ABCA12: variants seen among roughly 807,000 people sequenced by gnomAD.
ABCA12 encodes ATP binding cassette subfamily A member 12.
In ABCA12, 156 loss-of-function variants were observed where a neutral mutation model predicts 293.5. The observed-to-expected ratio is 0.53, with a 90% CI of 0.47 to 0.61. The LOEUF (loss-of-function observed/expected upper bound fraction) is 0.61, where lower values mean the gene tolerates loss of function less well. ABCA12 is among the 20% of genes least tolerant of loss of function. ABCA12 has a pLI of 0.00. For synonymous variants in ABCA12, 1,063 were observed against 1,108.0 expected (o/e 0.96, Z 0.81); for missense variants, 2,797 against 3,090.2 (o/e 0.91, Z 2.25).
chr2:214,967,314 G>A (rs1430463239), intron 38 of ABCA12, among the ~76,000 whole-genome samples: 1 of 151,916 alleles, frequency 6.6e-6, no homozygotes, highest in Non-Finnish European at 1.5e-5. Context: ...TGCCAATAAT[G>A]GTAATAAAAA....
At position 215,007,767 on chromosome 2, in the gene ABCA12, T is replaced by A; in HGVS notation, c.2552A>T (p.Asn851Ile). 2.5e-6 allele frequency: 4 copies of A among 1,614,054 alleles called. No homozygotes were observed. ...EWMDKSPLFMNSFHLLNQAIP... is the reference protein window; with the variant it reads ...EWMDKSPLFMISFHLLNQAIP... ...TGCCTGGTTTAACAGATGGAAGGAATTCATGAAAAGTGGCGACTTATCCAT... is the reference window on the plus strand; with the variant it reads ...TGCCTGGTTTAACAGATGGAAGGAAATCATGAAAAGTGGCGACTTATCCAT... The change falls in exon 19 of 53, where the codon AAT (asparagine) becomes ATT (isoleucine). Residue 851 changes from asparagine to isoleucine, a missense_variant. Coordinates refer to ENST00000272895, the MANE Select transcript of ABCA12 (RefSeq NM_173076.3).
chr2:215,100,149 G>A (rs535733209), intron 2 of ABCA12, among the ~76,000 whole-genome samples: 1 of 151,804 alleles, frequency 6.6e-6, no homozygotes, highest in Non-Finnish European at 1.5e-5. Context: ...CAAGTAGCTG[G>A]CACCACAGGC....
At chr2:215,100,149 G>C (rs535733209) in intron 2 of ABCA12, among the ~76,000 whole-genome samples, 12 of 151,920 alleles carry the variant, frequency 7.9e-5, no homozygotes, top group Non-Finnish European at 1.2e-4. Context: ...CAAGTAGCTG[G>C]CACCACAGGC....
Position 214,932,574 on chromosome 2 carries a change from G to T in ABCA12, c.*60C>A. 1 of 1,244,200 alleles carries T rather than the reference G, an allele frequency of 8.0e-7. No individual in the cohort carries two copies. Among genetic ancestry groups the T allele is most frequent in the Non-Finnish European group, 1.2e-6 (1 of 847,422 alleles). 77.1% of individuals were successfully genotyped at this position (1,244,200 alleles called of 1,614,324 possible). ...GATATCTTGCGGAAGTGTATCTTCT[G>T]TGGCTTTTCTTCAAAATGAAGCCAT... On this transcript the variant is annotated 3_prime_UTR_variant, in exon 53 of 53. Transcript: ENST00000272895.
At chr2:215,025,825 A>T (rs773184732) in intron 10 of ABCA12, 46 bp from the exon 11 acceptor site, 1 of 1,405,272 alleles carries the variant, frequency 7.1e-7, no homozygotes, top group South Asian at 1.2e-5. Context: ...TTGCAAGGTC[A>T]TTTAGGAAAC....
chr2:214,975,501 T>A (rs1022466241), intron 34 of ABCA12, among the ~76,000 whole-genome samples: 1 of 152,196 alleles, frequency 6.6e-6, no homozygotes, highest in Non-Finnish European at 1.5e-5. Context: ...TACAACAGAT[T>A]GGGAAGCCAT....
At position 215,018,081 on chromosome 2, in the gene ABCA12, C is replaced by A; in HGVS notation, c.1709G>T (p.Arg570Met). 1 of 1,614,054 alleles carries A rather than the reference C, an allele frequency of 6.2e-7. No homozygotes were observed. Among genetic ancestry groups the A allele is most frequent in the South Asian group, 1.1e-5 (1 of 91,076 alleles). ...KNVEELKEDL[R>M]RTTGMSNRTI... ...CCTGTTGGACATTCCTGTTGTTCTC[C>A]TTAAATCTTCTTTCAGCTCTTCAAC... The change falls in exon 14 of 53, where the codon AGG becomes ATG. Residue 570 changes from arginine (R) to methionine (M), a missense_variant. Coordinates refer to ENST00000272895, the MANE Select transcript of ABCA12 (RefSeq NM_173076.3).
At chr2:215,050,873 C>A in intron 5 of ABCA12, 1 of 924,922 alleles carries the variant, frequency 1.1e-6, no homozygotes, top group Non-Finnish European at 1.3e-6. Flanking sequence ...AGAGAGATTG[C>A]TGACATAGGC....
intron 19 of ABCA12, among the ~76,000 whole-genome samples, 200 bp from the exon 20 acceptor site, chr2:215,004,499 G>T (rs564387215): frequency 6.6e-6 from 1 of 152,188 alleles, no homozygotes; most frequent in Non-Finnish European, 1.5e-5. Context: ...CTGGGCTGTT[G>T]CTTGTCTATA....
At chr2:214,937,144 G>C (rs1379034723) in intron 51 of ABCA12, among the ~76,000 whole-genome samples, 1 of 152,130 alleles carries the variant, frequency 6.6e-6, no homozygotes, top group Non-Finnish European at 1.5e-5. Flanking sequence ...ATCAAAACTA[G>C]TGAAGATCAA....
chr2:215,015,787 A>G, intron 14 of ABCA12, 124 bp from the exon 15 acceptor site: 2 of 811,024 alleles, frequency 2.5e-6, no homozygotes, highest in Non-Finnish European at 2.0e-6. Flanking sequence ...GAATCAAACA[A>G]CTTTTCATCT....
At chr2:215,099,752 T>A (rs1465068106) in intron 2 of ABCA12, among the ~76,000 whole-genome samples, 1 of 152,056 alleles carries the variant, frequency 6.6e-6, no homozygotes, top group East Asian at 1.9e-4. Context: ...TGTTTATTGT[T>A]GTTGCCACTA....
At chr2:214,968,319 C>A (rs2105949420) in intron 38 of ABCA12, among the ~76,000 whole-genome samples, 1 of 152,178 alleles carries the variant, frequency 6.6e-6, no homozygotes, top group Middle Eastern at 3.4e-3. Flanking sequence ...TAATCATAGT[C>A]AATGTATTCC....
intron 35 of ABCA12, among the ~76,000 whole-genome samples, chr2:214,974,511 G>A (rs1699464733): frequency 1.3e-5 from 2 of 151,834 alleles, no homozygotes; most frequent in Admixed American, 6.6e-5. Flanking sequence ...TGTAAAATGG[G>A]ATTAATAATC....
chr2:215,010,561 C>T (rs1034625809), intron 17 of ABCA12, 91 bp from the exon 18 acceptor site: 29 of 1,385,812 alleles, frequency 2.1e-5, no homozygotes, highest in Non-Finnish European at 2.8e-5. Context: ...TCTTATCACA[C>T]CCAAAAATAC....
At chr2:215,111,307 A>T (rs927868968) in intron 2 of ABCA12, among the ~76,000 whole-genome samples, 4 of 152,248 alleles carry the variant, frequency 2.6e-5, no homozygotes, top group African/African-American at 9.6e-5. Flanking sequence ...TGCTGTGCAT[A>T]TCATGGCAAG....
intron 39 of ABCA12, chr2:214,961,937 A>G (rs772155884): frequency 1.3e-5 from 2 of 152,192 alleles, no homozygotes; most frequent in Non-Finnish European, 2.9e-5. Context: ...CATCTGGCAT[A>G]CACTATGATG....
At chr2:215,131,385 T>C (rs1306277055) in intron 1 of ABCA12, among the ~76,000 whole-genome samples, 5 of 151,536 alleles carry the variant, frequency 3.3e-5, no homozygotes, top group African/African-American at 4.8e-5. Context: ...TATCGGGAGA[T>C]TTTTTTTATT....
At position 215,018,102 on chromosome 2, in the gene ABCA12, T is replaced by C; in HGVS notation, c.1688A>G (p.Glu563Gly). 1 of 1,613,850 alleles carries C rather than the reference T, an allele frequency of 6.2e-7. No individual in the cohort carries two copies. The highest frequency in any genetic ancestry group is 8.5e-7 in the Non-Finnish European group (1 of 1,179,944). Residue 563 changes from glutamate (E) to glycine (G), a missense_variant, in exon 14 of 53, where the codon GAA (glutamate) becomes GGA (glycine). Around this residue, in one of 3 missense-constraint regions of ABCA12, gnomAD observed 656 missense variants for 638.2 expected, o/e 1.03. Transcript: ENST00000272895. ...GQLLEMFKNV[E>G]ELKEDLRRTT... ...TCTCCTTAAATCTTCTTTCAGCTCT[T>C]CAACATTTTTAAACATTTCTAGTAA...
Sources: allele counts gnomAD v4.1 joint callset (sites outside exome capture counted in the v4.1 genomes callset), GRCh38; gene constraint gnomAD v4.1.1; regional missense constraint gnomAD v4.1.1; transcripts MANE v1.5; gene names NCBI Gene and HGNC (gene_info 2026-07-23, HGNC 2026-07-21).